SAMD3: variants seen among roughly 807,000 people sequenced by gnomAD.
The protein encoded by SAMD3 is sterile alpha motif domain-containing protein 3.
In SAMD3, 63 loss-of-function variants were observed where a neutral mutation model predicts 58.5. That is an observed-to-expected ratio of 1.08 (90% CI 0.88 to 1.33). The LOEUF (loss-of-function observed/expected upper bound fraction) is 1.33. SAMD3 is among the 40% of genes most tolerant of loss of function. The pLI, the probability that SAMD3 is intolerant of heterozygous loss-of-function variation, is 0.00. For synonymous variants in SAMD3, 220 were observed against 210.3 expected, an observed-to-expected ratio of 1.05 and a Z score of -0.40; for missense variants, 604 against 608.4, an observed-to-expected ratio of 0.99 and a Z score of 0.08.
At position 130,184,096 on chromosome 6, in the gene SAMD3, C is replaced by A; in HGVS notation, c.654+7G>T. 5 of 1,610,606 alleles carry A rather than the reference C, an allele frequency of 3.1e-6. No individual in the cohort carries two copies. The South Asian group carries it at 4.4e-5, about 14-fold the overall frequency. On this transcript the variant is annotated splice_region_variant and intron_variant, in intron 7 of 11. Coordinates refer to ENST00000439090, the MANE Select transcript of SAMD3 (RefSeq NM_001017373.4). ...AATTAACAGGATGGTGCCATGTGGT[C>A]ACTTACGAAGCCACAGCCATCCTCA...
chr6:130,271,444 A>T (rs952285404), intron 2 of SAMD3, among the ~76,000 whole-genome samples: 1 of 152,176 alleles, frequency 6.6e-6, no homozygotes, highest in Non-Finnish European at 1.5e-5. Context: ...ATTGTGAATG[A>T]GCATCTTTTC....
intron 2 of SAMD3, among the ~76,000 whole-genome samples, chr6:130,234,371 C>T (rs1796625208): frequency 6.6e-6 from 1 of 151,992 alleles, no homozygotes; most frequent in Non-Finnish European, 1.5e-5. Flanking sequence ...TATTTCTTCT[C>T]AATATCAATA....
chr6:130,340,489 G>A (rs920604745), intron 1 of SAMD3, among the ~76,000 whole-genome samples: 2 of 152,154 alleles, frequency 1.3e-5, no homozygotes, highest in Non-Finnish European at 2.9e-5. Flanking sequence ...CAGCTGATTA[G>A]CAAACCTAAT....
At chr6:130,300,592 A>G (rs1276045451) in intron 2 of SAMD3, among the ~76,000 whole-genome samples, 1 of 152,098 alleles carries the variant, frequency 6.6e-6, no homozygotes, top group Non-Finnish European at 1.5e-5. Context: ...CACTTGTACC[A>G]CTCCTATTCA....
At chr6:130,221,061 A>T (rs185675634) in intron 1 of SAMD3, among the ~76,000 whole-genome samples, 5 of 151,842 alleles carry the variant, frequency 3.3e-5, no homozygotes, top group Non-Finnish European at 7.4e-5. Flanking sequence ...TCACTGTGTT[A>T]GCCAGGATGG....
At chr6:130,243,285 C>T (rs1773426453) in intron 2 of SAMD3, among the ~76,000 whole-genome samples, 1 of 152,104 alleles carries the variant, frequency 6.6e-6, no homozygotes, top group Admixed American at 6.5e-5. Flanking sequence ...GCCTAAGAAG[C>T]CTGCTCCCTT....
chr6:130,348,377 A>G (rs1777528786), intron 1 of SAMD3, among the ~76,000 whole-genome samples: 15 of 152,214 alleles, frequency 9.9e-5, no homozygotes, highest in Admixed American at 9.8e-4. Context: ...AAAGGGATGG[A>G]GGAAGATCTA....
intron 2 of SAMD3, among the ~76,000 whole-genome samples, chr6:130,292,442 A>G (rs1420783006): frequency 6.6e-6 from 1 of 151,262 alleles, no homozygotes; most frequent in Non-Finnish European, 1.5e-5. Context: ...ATGCGCCACC[A>G]TGCCCGGCTA....
At chr6:130,252,320 A>G (rs1773764886) in intron 2 of SAMD3, among the ~76,000 whole-genome samples, 1 of 152,154 alleles carries the variant, frequency 6.6e-6, no homozygotes, top group African/African-American at 2.4e-5. Context: ...TATAGACAGC[A>G]TATAATTAGA....
intron 1 of SAMD3, among the ~76,000 whole-genome samples, chr6:130,349,972 A>G (rs1318882118): frequency 6.6e-6 from 1 of 152,234 alleles, no homozygotes; most frequent in Non-Finnish European, 1.5e-5. Flanking sequence ...GACCAAAACC[A>G]CATGATTATC....
chr6:130,250,710 C>A (rs115879751), intron 2 of SAMD3, among the ~76,000 whole-genome samples: 2,806 of 152,220 alleles, frequency 0.018, 79 homozygotes, highest in African/African-American at 0.063. Flanking sequence ...TTTGTGTCTG[C>A]CATCTTTCTC....
intron 2 of SAMD3, among the ~76,000 whole-genome samples, chr6:130,277,578 G>T (rs1774823132): frequency 1.3e-5 from 2 of 152,020 alleles, no homozygotes; most frequent in African/African-American, 2.4e-5. Context: ...TCTCCTGCTT[G>T]TTGCTTATAT....
rs1258614140 is a variant in SAMD3, at chr6:130,184,185, T to C, written c.572A>G (p.Tyr191Cys). 1.9e-6 allele frequency: 3 copies of C among 1,603,478 alleles called. No homozygotes were observed. Among genetic ancestry groups the C allele is most frequent in the Non-Finnish European group, 2.6e-6 (3 of 1,173,368 alleles). The change falls in exon 7 of 12, where the codon TAC becomes TGC. Residue 191 changes from tyrosine to cysteine, a missense_variant and splice_region_variant. Physicochemically the swap from Tyr to Cys is radical, Grantham distance 194 (BLOSUM62 -2). Coordinates refer to ENST00000439090, the MANE Select transcript of SAMD3 (RefSeq NM_001017373.4). ...GTCATTGTACTGCTGGGTGCTGGGG[T>C]ACCTGTTCACCAAAACAAGGAGGAT... ...DMTKYLEGSL[Y>C]PSTQQYNDVV... is the part of the protein sequence containing the mutation.
At chr6:130,365,867 C>T, upstream of SAMD3, 1 of 985,648 alleles carries the variant, frequency 1.0e-6, no homozygotes, top group Non-Finnish European at 1.2e-6. Flanking sequence ...GGTGGCAGGA[C>T]TGGGGTTTCC....
At chr6:130,307,266 C>T (rs889628871) in intron 2 of SAMD3, among the ~76,000 whole-genome samples, 3 of 152,324 alleles carry the variant, frequency 2.0e-5, no homozygotes, top group Middle Eastern at 3.4e-3. Flanking sequence ...TCCACAGGGC[C>T]GTCTCTTGCA....
chr6:130,282,422 C>A (rs1775013219), intron 2 of SAMD3, among the ~76,000 whole-genome samples: 2 of 152,132 alleles, frequency 1.3e-5, no homozygotes, highest in South Asian at 2.1e-4. Flanking sequence ...AATAGAGCCT[C>A]CCCTGGTGGC....
chr6:130,212,851 T>A (rs1795686150), intron 4 of SAMD3, among the ~76,000 whole-genome samples: 1 of 152,364 alleles, frequency 6.6e-6, no homozygotes, highest in Admixed American at 6.5e-5. Context: ...ATTACTTTGA[T>A]CTCTCTTTCA....
intron 2 of SAMD3, among the ~76,000 whole-genome samples, chr6:130,234,245 TTTTATTTA>T (rs569190439): frequency 1.2e-4 from 18 of 152,134 alleles, no homozygotes; most frequent in African/African-American, 3.8e-4. Flanking sequence ...CAAAATCCAT[TTTTATTTA>T]TTTATTTATT....
At chr6:130,346,856 C>T (rs548569947) in intron 1 of SAMD3, among the ~76,000 whole-genome samples, 17 of 152,278 alleles carry the variant, frequency 1.1e-4, no homozygotes, top group Non-Finnish European at 1.3e-4. Context: ...ACACCTCACA[C>T]GGAGGGGTAC....
Sources: gnomAD v4.1 joint callset for allele counts (sites outside exome capture counted in the v4.1 genomes callset) on GRCh38, gnomAD v4.1.1 for gene constraint, MANE v1.5 for transcripts, NCBI Gene and HGNC (gene_info 2026-07-23, HGNC 2026-07-21) for gene names.